The following PTPN12 variants were observed in gnomAD, a reference collection of about 807,000 sequenced individuals.
PTPN12 encodes protein tyrosine phosphatase non-receptor type 12.
In PTPN12, 29 loss-of-function variants were observed where a neutral mutation model predicts 97.6. That is an observed-to-expected ratio of 0.30 (90% CI 0.22 to 0.41). PTPN12 has a LOEUF of 0.41. Ranked by LOEUF, PTPN12 falls within the 10% of genes least tolerant of loss-of-function variation. The probability of loss-of-function intolerance (pLI) is 1.00; values close to 1 mark genes in which losing one functional copy is unlikely to be tolerated. For missense variants in PTPN12, 819 were observed against 926.0 expected, an observed-to-expected ratio of 0.88 and a Z score of 1.50; for synonymous variants, 327 against 300.4, an observed-to-expected ratio of 1.09 and a Z score of -0.91.
intron 13 of PTPN12, among the ~76,000 whole-genome samples, chr7:77,630,640 A>G (rs1789367156): frequency 6.6e-6 from 1 of 152,222 alleles, no homozygotes; most frequent in Non-Finnish European, 1.5e-5. Context: ...TGAAAACATC[A>G]TTATGTAGTG....
chr7:77,604,857 AT>A, intron 8 of PTPN12: 1 of 429,910 alleles, frequency 2.3e-6, no homozygotes, highest in Non-Finnish European at 4.7e-6. Flanking sequence ...TCAGAATTTA[AT>A]TTTTTGCTCT....
At chr7:77,549,315 CCTT>C (rs2151299116) in intron 1 of PTPN12, among the ~76,000 whole-genome samples, 1 of 152,256 alleles carries the variant, frequency 6.6e-6, no homozygotes, top group East Asian at 1.9e-4. Flanking sequence ...ACTCCACCCA[CCTT>C]CTTTCAGAGA....
intron 1 of PTPN12, among the ~76,000 whole-genome samples, chr7:77,549,721 A>G (rs1807396629): frequency 6.6e-6 from 1 of 151,904 alleles, no homozygotes; most frequent in African/African-American, 2.4e-5. Context: ...TAGGACTACA[A>G]GCATGTTGCC....
chr7:77,579,397 T>A (rs946183930), intron 2 of PTPN12, among the ~76,000 whole-genome samples: 1 of 152,160 alleles, frequency 6.6e-6, no homozygotes, highest in African/African-American at 2.4e-5. Context: ...AATGCTGGGA[T>A]TACAGGGGTG....
chr7:77,593,172 G>T (rs1216224195), intron 6 of PTPN12, among the ~76,000 whole-genome samples: 2 of 151,950 alleles, frequency 1.3e-5, no homozygotes, highest in Non-Finnish European at 2.9e-5. Context: ...GGGAGGCTGA[G>T]GCACGAGAAT....
Position 77,639,819 on chromosome 7 carries a change from G to A in PTPN12, c.*539G>A, listed in dbSNP as rs569881364. ...TGCAGGTTATCAGAGATCAAAGATT[G>A]TAATAATAATTTTGTAAATTGTAAG... On this transcript the variant is annotated 3_prime_UTR_variant, in exon 18 of 18. Transcript: ENST00000248594. 1 of 152,696 alleles carries A rather than the reference G, an allele frequency of 6.5e-6. No homozygotes were observed. Among genetic ancestry groups the A allele is most frequent in the East Asian group, 1.9e-4 (1 of 5,184 alleles). The allele number at this position is 152,696 out of a possible 1,614,324, so 9.5% of individuals were successfully genotyped here.
At chr7:77,537,805 AGGCGAGAGCGCCTCCCCCCGT>A (rs948413236) in intron 1 of PTPN12, among the ~76,000 whole-genome samples, 160 bp downstream of exon 1, 2 of 151,638 alleles carry the variant, frequency 1.3e-5, no homozygotes, top group African/African-American at 4.8e-5. Context: ...GGCCAGCGGG[AGGCGAGAGCGCCTCCCCCCGT>A]GGCCTCCTTT....
rs1252968146 is a variant in PTPN12, at chr7:77,565,723, TAGG to T, written c.100-5354_100-5352del. 2.6e-5 allele frequency among the ~76,000 whole-genome samples: 4 copies of T among 152,308 alleles called. 1 individual carries two copies. Among genetic ancestry groups the T allele is most frequent in the Non-Finnish European group, 5.9e-5 (4 of 68,018 alleles). ...GAGAATCCATTTATTGATTTAGGAT[TAGG>T]GGAATACAAATTTAGTGTTTTAGGA... is the stretch of plus-strand genomic sequence containing the variant. On this transcript the variant is annotated intron_variant, in intron 1 of 17. Transcript: ENST00000248594.
chr7:77,565,373 ATT>A (rs1808217724), intron 1 of PTPN12, among the ~76,000 whole-genome samples: 1 of 152,224 alleles, frequency 6.6e-6, no homozygotes, highest in Non-Finnish European at 1.5e-5. Flanking sequence ...TGCTAACAAG[ATT>A]TGCTGATGGG....
At chr7:77,591,082 T>C (rs1213066345) in intron 5 of PTPN12, among the ~76,000 whole-genome samples, 1 of 152,174 alleles carries the variant, frequency 6.6e-6, no homozygotes, top group East Asian at 1.9e-4. Flanking sequence ...TAAACATCTC[T>C]TGGAAAATGA....
Position 77,612,031 on chromosome 7 carries a change from A to G in PTPN12, c.939+985A>G, listed in dbSNP as rs1473027882. Among the ~76,000 whole-genome samples, 6 of 138,652 alleles carry G rather than the reference A, an allele frequency of 4.3e-5. No homozygotes were observed. The East Asian group carries it at 6.5e-4, about 15-fold the overall frequency. 91.0% of individuals were successfully genotyped at this position (138,652 alleles called of 152,430 possible). A position where few individuals can be genotyped will look rare whatever the true frequency, so the allele number is the denominator to read the frequency against. On this transcript the variant is annotated intron_variant, in intron 11 of 17. Coordinates refer to ENST00000248594, the MANE Select transcript of PTPN12 (RefSeq NM_002835.4). ...TGTTTACATCTTTGTCATTGAGTCT[A>G]TGATAACTATTACATTGTTAAACCA...
chr7:77,590,848 G>A (rs1310483950), intron 5 of PTPN12, among the ~76,000 whole-genome samples: 1 of 151,630 alleles, frequency 6.6e-6, no homozygotes, highest in Non-Finnish European at 1.5e-5. Context: ...ATAGGCATGA[G>A]CCACCACGCC....
chr7:77,596,830 A>G (rs1448233459), intron 6 of PTPN12, among the ~76,000 whole-genome samples: 1 of 152,152 alleles, frequency 6.6e-6, no homozygotes, highest in Non-Finnish European at 1.5e-5. Flanking sequence ...AACATTCCCT[A>G]CCAGAGCAGT....
At chr7:77,539,837 C>A (rs545746474) in intron 1 of PTPN12, among the ~76,000 whole-genome samples, 18 of 152,134 alleles carry the variant, frequency 1.2e-4, no homozygotes, top group Non-Finnish European at 7.4e-5. Flanking sequence ...CAAGCTACCA[C>A]GCCCTGCTAA....
rs774434045 is a variant in PTPN12 at position 77,611,055 on chromosome 7, T to A, written c.939+9T>A. 6 of 1,584,818 alleles carry A rather than the reference T, an allele frequency of 3.8e-6. No individual in the cohort carries two copies. Among genetic ancestry groups the A allele is most frequent in the Non-Finnish European group, 5.2e-6 (6 of 1,160,884 alleles). On this transcript the variant is annotated intron_variant, in intron 11 of 17. Transcript: ENST00000248594. The stretch of plus-strand genomic sequence containing the variant: ...AAATTGCTGATGGAGTGGTAGGTGT[T>A]CTTGGTCTATTAATTTTAGGAAACT...
At chr7:77,613,009 G>A (rs1788621625) in intron 11 of PTPN12, among the ~76,000 whole-genome samples, 3 of 151,688 alleles carry the variant, frequency 2.0e-5, no homozygotes, top group African/African-American at 4.8e-5. Context: ...GACCTCAGGC[G>A]ATCCCCCTGC....
chr7:77,618,427 G>T, intron 11 of PTPN12, 53 bp from the exon 12 acceptor site: 2 of 1,196,924 alleles, frequency 1.7e-6, no homozygotes, highest in Admixed American at 2.1e-5. Context: ...GAAACATGAA[G>T]AGGAAAAATT....
At chr7:77,589,176 G>T (rs1335919206) in intron 5 of PTPN12, among the ~76,000 whole-genome samples, 2 of 152,068 alleles carry the variant, frequency 1.3e-5, no homozygotes, top group Non-Finnish European at 2.9e-5. Context: ...GTAATCCACC[G>T]CACCAGGCCT....
At chr7:77,543,036 G>C (rs1218783145) in intron 1 of PTPN12, among the ~76,000 whole-genome samples, 1 of 151,910 alleles carries the variant, frequency 6.6e-6, no homozygotes, top group African/African-American at 2.4e-5. Context: ...GAGAAGGTGT[G>C]GTCAAGGAGG....
Sources: allele counts gnomAD v4.1 joint callset (sites outside exome capture counted in the v4.1 genomes callset), GRCh38; gene constraint gnomAD v4.1.1; transcripts MANE v1.5; gene names NCBI Gene and HGNC (gene_info 2026-07-23, HGNC 2026-07-21).